The following SLC25A13 variants were observed in gnomAD, a reference collection of about 807,000 sequenced individuals.
The protein encoded by SLC25A13 is solute carrier family 25 member 13, also known as electrogenic aspartate/glutamate antiporter SLC25A13, mitochondrial.
SLC25A13 carries 70 observed loss-of-function variants against 85.5 expected under a neutral mutation model. The ratio of observed to expected loss-of-function variants is 0.82; its 90% confidence interval spans 0.68 to 1.00. The LOEUF is 1.00. SLC25A13 is among the 50% of genes least tolerant of loss of function. The probability of loss-of-function intolerance (pLI) is 0.00; values close to 1 mark genes in which losing one functional copy is unlikely to be tolerated. For synonymous variants in SLC25A13, 259 were observed against 288.7 expected (o/e 0.90, Z 1.04); for missense variants, 765 against 819.8 (o/e 0.93, Z 0.82).
intron 13 of SLC25A13, among the ~76,000 whole-genome samples, chr7:96,165,088 T>C (rs902896207): frequency 3.9e-5 from 6 of 152,232 alleles, no homozygotes; most frequent in Non-Finnish European, 8.8e-5. Flanking sequence ...TACCATGCAA[T>C]GCCTGCAGTC....
chr7:96,193,077 G>A lies in SLC25A13; in HGVS notation c.575C>T (p.Pro192Leu), dbSNP rs1204184163. Residue 192 changes from proline to leucine, a missense_variant, in exon 6 of 18, where the codon CCC becomes CTC. Transcript: ENST00000265631. ...DFRDIMVTIR[P>L]HVLTPFVEEC... ...TTCTACAAAAGGAGTCAAGACATGGGGGCGGATGGTGACCATGATGTCTCG... is the reference window on the plus strand; with the variant it reads ...TTCTACAAAAGGAGTCAAGACATGGAGGCGGATGGTGACCATGATGTCTCG... 1.2e-6 allele frequency: 2 copies of A among 1,613,964 alleles called. No homozygotes were observed. The highest frequency in any genetic ancestry group is 3.3e-5 in the Admixed American group (2 of 60,004).
intron 1 of SLC25A13, among the ~76,000 whole-genome samples, chr7:96,316,217 T>C (rs188847451): frequency 2.5e-3 from 380 of 152,300 alleles, no homozygotes; most frequent in African/African-American, 8.4e-3. Context: ...TGTGCATATA[T>C]TGAAAACCAA....
chr7:96,131,397 C>T (rs1456796506), intron 15 of SLC25A13, among the ~76,000 whole-genome samples: 1 of 152,090 alleles, frequency 6.6e-6, no homozygotes, highest in Non-Finnish European at 1.5e-5. Context: ...TAAGACAAAC[C>T]TATTCAAATC....
At chr7:96,314,492 C>A (rs929852652) in intron 1 of SLC25A13, among the ~76,000 whole-genome samples, 1 of 152,096 alleles carries the variant, frequency 6.6e-6, no homozygotes, top group African/African-American at 2.4e-5. Context: ...CCCCTCCTTA[C>A]CTCCAAGCAG....
In SLC25A13 at chr7:96,189,623, A is replaced by G. The variant is rs754890303; in HGVS notation, c.806T>C (p.Val269Ala). The G allele has an allele frequency of 5.6e-6, 9 of 1,613,882 alleles. No individual in the cohort carries two copies. Among genetic ancestry groups the G allele is most frequent in the Admixed American group, 3.3e-5 (2 of 59,990 alleles). ...ATCTGCTAACTGAAACAAGATGTCA[A>G]CTTCCATGGGTGTAACCTGACCAAA... is the stretch of plus-strand genomic sequence containing the variant. ...QKFGQVTPME[V>A]DILFQLADLY... Residue 269 changes from valine to alanine, a missense_variant, in exon 8 of 18, where the codon GTT (valine) becomes GCT (alanine). Physicochemically the swap from Val to Ala is moderately conservative, Grantham distance 64. Coordinates refer to ENST00000265631, the MANE Select transcript of SLC25A13 (RefSeq NM_014251.3).
intron 13 of SLC25A13, among the ~76,000 whole-genome samples, chr7:96,162,404 C>T (rs1487324468): frequency 1.3e-5 from 2 of 151,932 alleles, no homozygotes; most frequent in Admixed American, 6.6e-5. Flanking sequence ...AAAAACAAAA[C>T]AGTACAAGAA....
At chr7:96,308,692 G>T (rs202085408) in intron 1 of SLC25A13, among the ~76,000 whole-genome samples, 1 of 151,992 alleles carries the variant, frequency 6.6e-6, no homozygotes, top group African/African-American at 2.4e-5. Context: ...ATATAATCCA[G>T]AAGCCATAAA....
At position 96,234,924 on chromosome 7, in the gene SLC25A13, C is replaced by A. The variant is rs2116815938; in HGVS notation, c.213-7G>T. ...TTCTTGAAAAGATATTAATCTGCAA[C>A]ATAAAACAAACATAAAGCAAAAGTC... On this transcript the variant is annotated splice_region_variant and splice_polypyrimidine_tract_variant and intron_variant, in intron 3 of 17. Coordinates refer to ENST00000265631, the MANE Select transcript of SLC25A13 (RefSeq NM_014251.3). The A allele has an allele frequency of 6.2e-7, 1 of 1,605,482 alleles. No homozygotes were observed. Among genetic ancestry groups the A allele is most frequent in the Non-Finnish European group, 8.5e-7 (1 of 1,172,692 alleles).
rs971692088 is a variant in SLC25A13, at chr7:96,241,781, G to C, written c.213-6864C>G. Among the ~76,000 whole-genome samples, 9 of 152,128 alleles carry C rather than the reference G, an allele frequency of 5.9e-5. No individual in the cohort carries two copies. In the South Asian group the frequency reaches 6.2e-4, roughly 11 times the overall value. On this transcript the variant is annotated intron_variant, in intron 3 of 17. Transcript: ENST00000265631. ...AAGTCCTCAACTTAGATAGTGGCAG[G>C]AGGACTATATAAGAGATTTGGGGAG... is the stretch of plus-strand genomic sequence containing the variant.
chr7:96,299,342 A>C lies in SLC25A13; in HGVS notation c.16-2391T>G, dbSNP rs578014284. On this transcript the variant is annotated intron_variant, in intron 1 of 17. Transcript: ENST00000265631. ...AGAGAACACAAATCAAAACAAAGAC[A>C]GAGAATGACCCAACACTTATAAGGC... Among the ~76,000 whole-genome samples, 28 of 152,368 alleles carry C rather than the reference A, an allele frequency of 1.8e-4. No homozygotes were observed. In the South Asian group the frequency reaches 5.2e-3, roughly 28 times the overall value.
At chr7:96,256,631 C>T (rs1375373949) in intron 3 of SLC25A13, among the ~76,000 whole-genome samples, 5 of 152,148 alleles carry the variant, frequency 3.3e-5, no homozygotes, top group Admixed American at 3.3e-4. Context: ...GAGACTTTAA[C>T]ACCCCACTGT....
chr7:96,318,569 A>C (rs2117042205), intron 1 of SLC25A13, among the ~76,000 whole-genome samples: 1 of 152,366 alleles, frequency 6.6e-6, no homozygotes, highest in East Asian at 1.9e-4. Flanking sequence ...GAAAGAAAAC[A>C]AACACTTCTT....
intron 11 of SLC25A13, 141 bp from the exon 12 acceptor site, chr7:96,171,665 T>C (rs1010165385): frequency 6.9e-6 from 5 of 723,890 alleles, no homozygotes; most frequent in Non-Finnish European, 1.2e-5. Flanking sequence ...ATGAGAATAT[T>C]TGAAATGGAA....
chr7:96,181,817 A>C (rs1794430206), intron 11 of SLC25A13, among the ~76,000 whole-genome samples: 1 of 152,218 alleles, frequency 6.6e-6, no homozygotes, highest in Non-Finnish European at 1.5e-5. Context: ...GCTAGGTGAA[A>C]GCATTAATAG....
rs779617287 is a variant in SLC25A13 at position 96,193,108 on chromosome 7, C to T, written c.544G>A (p.Asp182Asn). The change falls in exon 6 of 18, where the codon GAC becomes AAC. Residue 182 changes from aspartate (D) to asparagine (N), a missense_variant. By Grantham distance (23) the Asp-to-Asn change is conservative (BLOSUM62 1). Coordinates refer to ENST00000265631, the MANE Select transcript of SLC25A13 (RefSeq NM_014251.3). ...NARTGRVTAIDFRDIMVTIRP... is the reference protein window; with the variant it reads ...NARTGRVTAINFRDIMVTIRP... ...ATGGTGACCATGATGTCTCGGAAGT[C>T]GATGGCTGTGACTCTCCCAGTCCTA... is the stretch of plus-strand genomic sequence containing the variant. 3.7e-6 allele frequency: 6 copies of T among 1,614,074 alleles called. No homozygotes were observed. Among genetic ancestry groups the T allele is most frequent in the East Asian group, 2.2e-5 (1 of 44,864 alleles).
intron 1 of SLC25A13, among the ~76,000 whole-genome samples, chr7:96,301,627 GTTTT>G (rs1799550779): frequency 6.7e-6 from 1 of 149,262 alleles, no homozygotes; most frequent in Non-Finnish European, 1.5e-5. Flanking sequence ...GGGTTTTGGT[GTTTT>G]GTTTTTTTTT....
intron 11 of SLC25A13, among the ~76,000 whole-genome samples, chr7:96,183,004 T>C (rs905305794): frequency 1.3e-5 from 2 of 152,170 alleles, no homozygotes; most frequent in South Asian, 4.1e-4. Flanking sequence ...GACATTAACC[T>C]TGTACTACTT....
chr7:96,230,563 A>G (rs569159607), intron 4 of SLC25A13, among the ~76,000 whole-genome samples: 9 of 152,298 alleles, frequency 5.9e-5, no homozygotes, highest in Admixed American at 2.6e-4. Context: ...CAGAATCACA[A>G]ATTAACTAGA....
chr7:96,317,587 T>C (rs2117040066), intron 1 of SLC25A13, among the ~76,000 whole-genome samples: 1 of 152,016 alleles, frequency 6.6e-6, no homozygotes, highest in African/African-American at 2.4e-5. Flanking sequence ...TCCCCATCCA[T>C]TCCTTCTGAA....
Sources: allele counts gnomAD v4.1 joint callset (sites outside exome capture counted in the v4.1 genomes callset), GRCh38; gene constraint gnomAD v4.1.1; transcripts MANE v1.5; gene names NCBI Gene and HGNC (gene_info 2026-07-23, HGNC 2026-07-21).